The following PLEKHB1 variants were observed in gnomAD, a reference collection of about 807,000 sequenced individuals.
PLEKHB1 encodes the protein pleckstrin homology domain containing B1.
Under a neutral mutation model 36.2 loss-of-function variants are expected in PLEKHB1, and 29 were observed. That is an observed-to-expected ratio of 0.80 (90% CI 0.60 to 1.09). The LOEUF (loss-of-function observed/expected upper bound fraction) is 1.09. PLEKHB1 is among the 50% of genes least tolerant of loss of function. The probability of loss-of-function intolerance (pLI) is 0.00; values close to 1 mark genes in which losing one functional copy is unlikely to be tolerated. For synonymous variants in PLEKHB1, 138 were observed against 140.0 expected (o/e 0.99, Z 0.10); for missense variants, 330 against 348.2 (o/e 0.95, Z 0.42).
At chr11:73,650,201 C>A (rs1944859097) in intron 2 of PLEKHB1, among the ~76,000 whole-genome samples, 1 of 152,150 alleles carries the variant, frequency 6.6e-6, no homozygotes, top group South Asian at 2.1e-4. Context: ...AGTGACAGAG[C>A]AAGACCCTGT....
At chr11:73,657,007 A>T (rs1249089247) in intron 6 of PLEKHB1, among the ~76,000 whole-genome samples, 1 of 152,082 alleles carries the variant, frequency 6.6e-6, no homozygotes, top group African/African-American at 2.4e-5. Flanking sequence ...AAAAATTAGC[A>T]AGACATGGTG....
chr11:73,649,250 T>C (rs1389295103), intron 2 of PLEKHB1, among the ~76,000 whole-genome samples, 163 bp downstream of exon 2: 1 of 152,092 alleles, frequency 6.6e-6, no homozygotes, highest in Non-Finnish European at 1.5e-5. Context: ...CCCGACTACA[T>C]GGTTTAAACT....
In PLEKHB1 at chr11:73,648,824, C is replaced by A. The variant is rs150366990; in HGVS notation, c.19-188C>A. The A allele has an allele frequency of 1.3e-3, 1,784 of 1,342,102 alleles. 22 individuals carry two copies. The African/African-American group carries it at 0.024, about 18-fold the overall frequency. The allele number at this position is 1,342,102 out of a possible 1,614,324, so 83.1% of individuals were successfully genotyped here. A position where few individuals can be genotyped will look rare whatever the true frequency, so the allele number is the denominator to read the frequency against. ...CCCACACCAATGGCTGCCCTGCTGACCCCACAGTGACAGTGCTCCCATTCT... is the reference window on the plus strand; with the variant it reads ...CCCACACCAATGGCTGCCCTGCTGAACCCACAGTGACAGTGCTCCCATTCT... On this transcript the variant is annotated intron_variant, in intron 1 of 7. Transcript: ENST00000354190.
Position 73,661,709 on chromosome 11 carries a change from T to C in PLEKHB1, c.*107T>C. The C allele has an allele frequency of 7.3e-7, 1 of 1,375,572 alleles. No homozygotes were observed. Among genetic ancestry groups the C allele is most frequent in the East Asian group, 2.4e-5 (1 of 41,342 alleles). 85.2% of individuals were successfully genotyped at this position (1,375,572 alleles called of 1,614,324 possible). A position where few individuals can be genotyped will look rare whatever the true frequency, so the allele number is the denominator to read the frequency against. On this transcript the variant is annotated 3_prime_UTR_variant, in exon 8 of 8. Transcript: ENST00000354190. The surrounding 1 kb of genome is among the most constrained non-coding windows in gnomAD (Gnocchi z 4.6). ...GCCCTGTCCCACTTTGGCCCTATCC[T>C]CTCCATTAGCTCCTTCCGGGTTTGG...
chr11:73,652,066 G>A (rs2134806703), intron 4 of PLEKHB1, 176 bp downstream of exon 4: 1 of 611,036 alleles, frequency 1.6e-6, no homozygotes, highest in African/African-American at 1.8e-5. Flanking sequence ...TGACTGGCAT[G>A]GCACACAGTG....
intron 5 of PLEKHB1, among the ~76,000 whole-genome samples, chr11:73,655,209 C>T (rs1426643204): frequency 6.6e-6 from 1 of 152,214 alleles, no homozygotes; most frequent in Non-Finnish European, 1.5e-5. Flanking sequence ...CTCTATTCTA[C>T]CTCCCACTAC....
chr11:73,661,740 T>C lies in PLEKHB1; in HGVS notation c.*138T>C. The C allele has an allele frequency of 1.9e-6, 2 of 1,026,910 alleles. No homozygotes were observed. The highest frequency in any genetic ancestry group is 2.8e-6 in the Non-Finnish European group (2 of 721,452). 63.6% of individuals were successfully genotyped at this position (1,026,910 alleles called of 1,614,324 possible). A position where few individuals can be genotyped will look rare whatever the true frequency, so the allele number is the denominator to read the frequency against. The stretch of plus-strand genomic sequence containing the variant: ...TTAGCTCCTTCCGGGTTTGGACCAT[T>C]CCCCCCACTCCCTACCCTTAATCCC... On this transcript the variant is annotated 3_prime_UTR_variant, in exon 8 of 8. Transcript: ENST00000354190. This position sits in a 1 kb window ranked among gnomAD's most constrained non-coding sequence, Gnocchi z 4.6.
intron 4 of PLEKHB1, chr11:73,652,188 T>C: frequency 2.5e-6 from 1 of 399,356 alleles, no homozygotes; most frequent in Non-Finnish European, 4.6e-6. Context: ...AGCCCTCACC[T>C]GAGGGTGATG....
At chr11:73,657,222 G>A (rs1442051627) in intron 6 of PLEKHB1, among the ~76,000 whole-genome samples, 1 of 152,144 alleles carries the variant, frequency 6.6e-6, no homozygotes, top group African/African-American at 2.4e-5. Context: ...AAATTGTATA[G>A]ATGTGGCACT....
chr11:73,661,484 T>C lies in PLEKHB1; in HGVS notation c.614T>C (p.Val205Ala). ...TCTGCAGGCCCTGGCGTGACGCACG[T>C]GATAGTGCGGGAGGATCCCTGCTAC... The part of the protein sequence containing the change: ...PPYAGPGVTH[V>A]IVREDPCYSA... The change falls in exon 8 of 8, where the codon GTG becomes GCG. Residue 205 changes from valine to alanine, a missense_variant. Physicochemically the swap from Val to Ala is moderately conservative, Grantham distance 64. Transcript: ENST00000354190. This position sits in a 1 kb window ranked among gnomAD's most constrained non-coding sequence, Gnocchi z 4.6. The C allele has an allele frequency of 6.2e-7, 1 of 1,613,780 alleles. No individual in the cohort carries two copies. Among genetic ancestry groups the C allele is most frequent in the Non-Finnish European group, 8.5e-7 (1 of 1,179,778 alleles).
chr11:73,648,631 A>T, intron 1 of PLEKHB1: 1 of 1,006,706 alleles, frequency 9.9e-7, no homozygotes, highest in Non-Finnish European at 1.2e-6. Flanking sequence ...TGAGCTAGTC[A>T]GGCATATTCT....
At chr11:73,655,955 G>A in intron 6 of PLEKHB1, 48 bp downstream of exon 6, 3 of 1,540,488 alleles carry the variant, frequency 1.9e-6, no homozygotes, top group South Asian at 1.1e-5. Context: ...CCACCAGGAT[G>A]AGCCTCCAAA....
chr11:73,650,981 T>G (rs879876349), intron 3 of PLEKHB1, among the ~76,000 whole-genome samples: 1 of 150,194 alleles, frequency 6.7e-6, no homozygotes, highest in African/African-American at 2.5e-5. Context: ...CCGGCCAACA[T>G]AGCGAGACCC....
intron 6 of PLEKHB1, among the ~76,000 whole-genome samples, chr11:73,659,639 AG>A (rs1163212236): frequency 1.9e-5 from 2 of 107,604 alleles, no homozygotes; most frequent in Non-Finnish European, 4.7e-5. Context: ...CACAGAATTC[AG>A]GGAAAAAAAA....
Position 73,649,024 on chromosome 11 carries a change from T to A in PLEKHB1, c.31T>A (p.Ser11Thr), listed in dbSNP as rs767251915. 1.1e-5 allele frequency: 17 copies of A among 1,596,678 alleles called. No homozygotes were observed. Among genetic ancestry groups the A allele is most frequent in the Non-Finnish European group, 1.2e-5 (14 of 1,171,718 alleles). The change falls in exon 2 of 8, where the codon TCC (serine) becomes ACC (threonine). Residue 11 changes from serine (S) to threonine (T), a missense_variant. Ser to Thr is a moderately conservative substitution (Grantham distance 58). Transcript: ENST00000354190. The part of the protein sequence containing the change: MSPAAPVPPD[S>T]ALESPFEEMA... ...GCTCCTCTGACAGGTCCCGCCTGAC[T>A]CCGCTCTGGAAAGTCCTTTTGAAGA...
intron 5 of PLEKHB1, among the ~76,000 whole-genome samples, chr11:73,653,821 G>A (rs1373939145): frequency 6.6e-6 from 1 of 152,078 alleles, no homozygotes; most frequent in Non-Finnish European, 1.5e-5. Flanking sequence ...GGGAAGGAGG[G>A]TTGGCACGAC....
In PLEKHB1 at chr11:73,655,869, C is replaced by T. The variant is rs942822386; in HGVS notation, c.457C>T (p.Arg153Cys). 1.2e-5 allele frequency: 19 copies of T among 1,613,686 alleles called. No individual in the cohort carries two copies. The highest frequency in any genetic ancestry group is 6.7e-5 in the Admixed American group (4 of 59,984). ...TTGCTCCAAGGTCAGGTGTGTGACC[C>T]GCTCGTGGAGCCCCTGTAAGGTTGA... ...RVCSKVRCVT[R>C]SWSPCKVERR... is the part of the protein sequence containing the mutation. The change falls in exon 6 of 8, where the codon CGC (arginine) becomes TGC (cysteine). Residue 153 changes from arginine to cysteine, a missense_variant. Physicochemically the swap from Arg to Cys is radical, Grantham distance 180. Transcript: ENST00000354190.
At chr11:73,646,783 G>A (rs1358168855) in intron 1 of PLEKHB1, among the ~76,000 whole-genome samples, 157 bp downstream of exon 1, 1 of 152,146 alleles carries the variant, frequency 6.6e-6, no homozygotes, top group Non-Finnish European at 1.5e-5. Context: ...GCGGGGCTGA[G>A]CTATTGAAGG....
At chr11:73,655,772 C>T (rs1288222601) in intron 5 of PLEKHB1, 31 bp from the exon 6 acceptor site, 3 of 1,603,304 alleles carry the variant, frequency 1.9e-6, no homozygotes, top group South Asian at 2.2e-5. Context: ...CTCCCTCCCT[C>T]CTCCTTCTTG....
Sources: allele counts gnomAD v4.1 joint callset (sites outside exome capture counted in the v4.1 genomes callset), GRCh38; gene constraint gnomAD v4.1.1; non-coding constraint Gnocchi (gnomAD v3.1); transcripts MANE v1.5; gene names NCBI Gene and HGNC (gene_info 2026-07-23, HGNC 2026-07-21).